The following KCNT1 variants were observed in gnomAD, a reference collection of about 807,000 sequenced individuals.
KCNT1 encodes the protein potassium sodium-activated channel subfamily T member 1.
Under a neutral mutation model 147.8 loss-of-function variants are expected in KCNT1, and 78 were observed. The ratio of observed to expected loss-of-function variants is 0.53; its 90% CI spans 0.44 to 0.64. The LOEUF (loss-of-function observed/expected upper bound fraction) is 0.64, where lower values mean the gene tolerates loss of function less well. KCNT1 is among the 30% of genes least tolerant of loss of function. The probability of loss-of-function intolerance (pLI) is 0.00; values close to 1 mark genes in which losing one functional copy is unlikely to be tolerated. For missense variants in KCNT1, 1,419 were observed against 1,750.3 expected, an observed-to-expected ratio of 0.81 and a Z score of 3.38; for synonymous variants, 867 against 748.8, an observed-to-expected ratio of 1.16 and a Z score of -2.58.
intron 21 of KCNT1, 125 bp downstream of exon 21, chr9:135,777,635 G>A (rs1833263947): frequency 1.1e-6 from 1 of 874,886 alleles, no homozygotes; most frequent in East Asian, 2.7e-5. Flanking sequence ...CCTCTGGCCT[G>A]GTCCTCTCAG....
chr9:135,786,590 C>T, intron 29 of KCNT1, 69 bp downstream of exon 29: 6 of 1,419,550 alleles, frequency 4.2e-6, no homozygotes, highest in Non-Finnish European at 5.6e-6. Flanking sequence ...CAGCCAAGAA[C>T]AGTCGGCCAC....
chr9:135,761,618 C>T (rs555463561), intron 11 of KCNT1, among the ~76,000 whole-genome samples: 31 of 152,350 alleles, frequency 2.0e-4, no homozygotes, highest in African/African-American at 7.0e-4. Context: ...GACCTTGCTA[C>T]GGGCCCCCAG....
At chr9:135,736,675 G>C in intron 2 of KCNT1, 1 of 306,886 alleles carries the variant, frequency 3.3e-6, no homozygotes, top group East Asian at 5.1e-5. Flanking sequence ...CGAGGGCAAG[G>C]CGGGCCCGGG....
At chr9:135,764,724 A>G (rs1240480836) in intron 11 of KCNT1, among the ~76,000 whole-genome samples, 2 of 152,106 alleles carry the variant, frequency 1.3e-5, no homozygotes, top group Non-Finnish European at 2.9e-5. Context: ...TACCATCAAG[A>G]GAGTGATCCC....
intron 25 of KCNT1, 47 bp from the exon 26 acceptor site, chr9:135,784,488 T>TC: frequency 5.8e-5 from 5 of 85,994 alleles, no homozygotes; most frequent in Non-Finnish European, 1.1e-4. Context: ...TGTGGCTCCC[T>TC]CCCTCCCTCC....
At position 135,786,368 on chromosome 9, in the gene KCNT1, A is replaced by T; in HGVS notation, c.3349A>T (p.Ser1117Cys). 1.9e-6 allele frequency: 3 copies of T among 1,579,682 alleles called. No individual in the cohort carries two copies. Among genetic ancestry groups the T allele is most frequent in the Non-Finnish European group, 2.6e-6 (3 of 1,164,148 alleles). ...GAGCCTGCAGTGGGCCCGGAGGCTG[A>T]GCCGCAAGGCGCCCAAGCAGGCAGG... ...RKSLQWARRLSRKAPKQAGRA... is the reference protein window; with the variant it reads ...RKSLQWARRLCRKAPKQAGRA... Residue 1117 changes from serine to cysteine, a missense_variant, in exon 29 of 31, where the codon AGC (serine) becomes TGC (cysteine). By Grantham distance (112) the Ser-to-Cys change is moderately radical. Coordinates refer to ENST00000371757, the MANE Select transcript of KCNT1 (RefSeq NM_020822.3).
chr9:135,734,919 C>T (rs562102739), intron 2 of KCNT1, among the ~76,000 whole-genome samples: 75 of 152,184 alleles, frequency 4.9e-4, no homozygotes, highest in Non-Finnish European at 6.0e-4. Flanking sequence ...CTGCAGGCGG[C>T]GCCCAGGGGT....
chr9:135,789,224 A>C (rs1360911997), intron 29 of KCNT1: 2 of 151,812 alleles, frequency 1.3e-5, no homozygotes, highest in African/African-American at 4.8e-5. Context: ...AGGCATGGCC[A>C]CAGCGGGCTT....
intron 15 of KCNT1, among the ~76,000 whole-genome samples, chr9:135,769,633 A>G (rs1488613350): frequency 1.3e-5 from 2 of 152,110 alleles, no homozygotes; most frequent in Non-Finnish European, 2.9e-5. Flanking sequence ...GCCCCATGCC[A>G]GGTGCCCAGG....
At position 135,767,022 on chromosome 9, in the gene KCNT1, A is replaced by G. The variant is rs1832336787; in HGVS notation, c.1337+1262A>G. ...AGTATATTATTACCTGGAACTTTCC[A>G]GAATGTGTCGGTGCACTTTCTGGGA... On this transcript the variant is annotated intron_variant, in intron 13 of 30. Coordinates refer to ENST00000371757, the MANE Select transcript of KCNT1 (RefSeq NM_020822.3). 2.6e-5 allele frequency among the ~76,000 whole-genome samples: 4 copies of G among 152,310 alleles called. No homozygotes were observed. In the South Asian group the frequency reaches 8.3e-4, roughly 32 times the overall value.
intron 2 of KCNT1, among the ~76,000 whole-genome samples, chr9:135,721,523 C>T (rs1835925423): frequency 6.6e-6 from 1 of 152,184 alleles, no homozygotes; most frequent in African/African-American, 2.4e-5. Flanking sequence ...GCTGGGGTCT[C>T]CTGGCCGGGG....
At chr9:135,715,621 C>T (rs35894282) in intron 2 of KCNT1, among the ~76,000 whole-genome samples, 3 of 139,804 alleles carry the variant, frequency 2.1e-5, no homozygotes, top group African/African-American at 5.3e-5. Flanking sequence ...GCAGTTATTC[C>T]GGTTAGCACA....
intron 3 of KCNT1, 55 bp downstream of exon 3, chr9:135,750,232 G>C: frequency 6.9e-7 from 1 of 1,448,904 alleles, no homozygotes; most frequent in Non-Finnish European, 9.7e-7. Flanking sequence ...GAGGGCGCCG[G>C]GAGCAAGCCT....
At chr9:135,709,309 G>C (rs893372904) in intron 1 of KCNT1, among the ~76,000 whole-genome samples, 1 of 152,230 alleles carries the variant, frequency 6.6e-6, no homozygotes, top group Non-Finnish European at 1.5e-5. Context: ...TCACAGAGCA[G>C]TCTTGGCTGT....
At position 135,759,725 on chromosome 9, in the gene KCNT1, C is replaced by T; in HGVS notation, c.901C>T (p.Leu301Phe). 1.2e-6 allele frequency: 2 copies of T among 1,613,428 alleles called. No homozygotes were observed. Among genetic ancestry groups the T allele is most frequent in the Non-Finnish European group, 1.7e-6 (2 of 1,179,768 alleles). The part of the protein sequence containing the change: ...HLERAGENLS[L>F]LTSFYFCIVT... The stretch of plus-strand genomic sequence containing the variant: ...GGAGCGGGCGGGCGAGAACCTGTCC[C>T]TCCTGACCTCCTTCTACTTCTGCAT... The change falls in exon 11 of 31, where the codon CTC becomes TTC. Residue 301 changes from leucine (L) to phenylalanine (F), a missense_variant. Physicochemically the swap from Leu to Phe is conservative, Grantham distance 22 (BLOSUM62 0). This residue lies in a region of KCNT1 where 401 missense variants were observed against 610.6 expected (regional missense o/e 0.66). Transcript: ENST00000371757.
At chr9:135,770,196 C>A in intron 16 of KCNT1, 102 bp from the exon 17 acceptor site, 1 of 1,445,818 alleles carries the variant, frequency 6.9e-7, no homozygotes, top group Admixed American at 1.9e-5. Context: ...GGGAGGGGAT[C>A]CATGCCAGGG....
At chr9:135,770,719 G>A in intron 17 of KCNT1, 138 bp from the exon 18 acceptor site, 1 of 917,640 alleles carries the variant, frequency 1.1e-6, no homozygotes. Context: ...CTCAGCCAAG[G>A]TCCCTGACCC....
At chr9:135,735,873 C>A (rs1588285313) in intron 2 of KCNT1, among the ~76,000 whole-genome samples, 1 of 152,184 alleles carries the variant, frequency 6.6e-6, no homozygotes, top group Admixed American at 6.5e-5. Context: ...GTGCCAATAC[C>A]CCCCGGCTGT....
At chr9:135,754,672 G>C (rs754279254) in intron 5 of KCNT1, among the ~76,000 whole-genome samples, 1 of 152,232 alleles carries the variant, frequency 6.6e-6, no homozygotes, top group Non-Finnish European at 1.5e-5. Context: ...AGGGGGCTGT[G>C]GGTTAGATAG....
Sources: allele counts gnomAD v4.1 joint callset (sites outside exome capture counted in the v4.1 genomes callset), GRCh38; gene constraint gnomAD v4.1.1; regional missense constraint gnomAD v4.1.1; transcripts MANE v1.5; gene names NCBI Gene and HGNC (gene_info 2026-07-23, HGNC 2026-07-21).